RP2: variants seen among roughly 807,000 people sequenced by gnomAD.
The protein encoded by RP2 is RP2 activator of ARL3 GTPase, also known as protein XRP2.
A neutral mutation model predicts 20.3 loss-of-function variants in RP2; 3 were observed. That is an observed-to-expected ratio of 0.15 (90% CI 0.07 to 0.38). RP2 has a LOEUF of 0.38. RP2 is among the 10% of genes least tolerant of loss of function. The probability of loss-of-function intolerance (pLI) is 1.00; values close to 1 mark genes in which losing one functional copy is unlikely to be tolerated. For missense variants in RP2, 233 were observed against 268.5 expected, an observed-to-expected ratio of 0.87 and a Z score of 0.92; for synonymous variants, 75 against 94.8, an observed-to-expected ratio of 0.79 and a Z score of 1.22.
At position 46,879,313 on chromosome X, in the gene RP2, T is replaced by A. The variant is rs189684011; in HGVS notation, c.970-373T>A. 2.8e-3 allele frequency among the ~76,000 whole-genome samples: 306 copies of A among 107,653 alleles called. 2 individuals carry two copies. Among genetic ancestry groups the A allele is most frequent in the African/African-American group, 9.6e-3 (291 of 30,431 alleles). 93.5% of individuals were successfully genotyped at this position (107,653 alleles called of 115,157 possible). The stretch of plus-strand genomic sequence containing the variant: ...TGAAAGGGATAATCTCAAGTTTTGC[T>A]GCTCAGACTACTGAGATTATTATTA... On this transcript the variant is annotated intron_variant, in intron 4 of 4. Coordinates refer to ENST00000218340, the MANE Select transcript of RP2 (RefSeq NM_006915.3).
intron 3 of RP2, among the ~76,000 whole-genome samples, chrX:46,864,727 A>G (rs1925140018): frequency 9.0e-6 from 1 of 110,574 alleles, no homozygotes; most frequent in South Asian, 3.8e-4. Flanking sequence ...CAAATTTTCT[A>G]CTCCCACCCC....
At position 46,877,570 on chromosome X, in the gene RP2, G is replaced by A. The variant is rs782721235; in HGVS notation, c.949G>A (p.Glu317Lys). 4.4e-5 allele frequency: 52 copies of A among 1,190,479 alleles called. No individual in the cohort carries two copies. The Middle Eastern group carries it at 2.6e-3, about 58-fold the overall frequency. Residue 317 changes from glutamate (E) to lysine (K), a missense_variant, in exon 4 of 5, where the codon GAG (glutamate) becomes AAG (lysine). Physicochemically the swap from Glu to Lys is moderately conservative, Grantham distance 56. This residue lies in a region of RP2 where 118 missense variants were observed against 123.8 expected (regional missense o/e 0.95). Transcript: ENST00000218340. ...AGAAGTATGTCAACTTATTGTAAAC[G>A]AGATATTCAATGGGACCAAGGTACA... The part of the protein sequence containing the change: ...AVEVCQLIVN[E>K]IFNGTKMFVS...
At chrX:46,850,534 A>C (rs1387812864) in intron 1 of RP2, among the ~76,000 whole-genome samples, 3 of 111,912 alleles carry the variant, frequency 2.7e-5, no homozygotes, top group Non-Finnish European at 5.6e-5. Flanking sequence ...CTGTAGCTTC[A>C]TCTACTAGCA....
Position 46,860,047 on chromosome X carries a change from T to G in RP2, c.828T>G (p.Asp276Glu), listed in dbSNP as rs782156678. ...AGGAAGTGTCCATGAAAGCTGAGGA[T>G]GCTCAAAGGGTTTTTCGGGAAAAAG... ...QTKEVSMKAEDAQRVFREKAP... is the reference protein window; with the variant it reads ...QTKEVSMKAEEAQRVFREKAP... Residue 276 changes from aspartate (D) to glutamate (E), a missense_variant, in exon 3 of 5, where the codon GAT becomes GAG. Asp to Glu is a conservative substitution (Grantham distance 45). This residue lies in a region of RP2 where 118 missense variants were observed against 123.8 expected (regional missense o/e 0.95). Transcript: ENST00000218340. 6 of 1,209,661 alleles carry G rather than the reference T, an allele frequency of 5.0e-6. No individual in the cohort carries two copies. In the African/African-American group the frequency reaches 1.0e-4, roughly 21 times the overall value.
chrX:46,879,677 T>G lies in RP2; in HGVS notation c.970-9T>G. 3.4e-5 allele frequency: 40 copies of G among 1,162,136 alleles called. No homozygotes were observed. Among genetic ancestry groups the G allele is most frequent in the Non-Finnish European group, 4.7e-5 (40 of 852,824 alleles). ...CTGATTTTTTTTTTTAATTTTCTAT[T>G]TAAAATAGATGTTTGTATCTGAAAG... On this transcript the variant is annotated splice_polypyrimidine_tract_variant and intron_variant, in intron 4 of 4. Transcript: ENST00000218340.
chrX:46,847,776 G>GTGTGTGTGTATA (rs1556316807), intron 1 of RP2, among the ~76,000 whole-genome samples: 10 of 74,620 alleles, frequency 1.3e-4, no homozygotes, highest in African/African-American at 7.1e-4. Context: ...ATGTGTGTGT[G>GTGTGTGTGTATA]TACATACACA....
chrX:46,856,311 G>A (rs1037069658), intron 2 of RP2, among the ~76,000 whole-genome samples: 9 of 111,446 alleles, frequency 8.1e-5, no homozygotes, highest in Middle Eastern at 4.6e-3. Flanking sequence ...TTTGGTATCT[G>A]GTATGTGAAA....
intron 3 of RP2, among the ~76,000 whole-genome samples, chrX:46,874,727 T>G: frequency 8.9e-6 from 1 of 112,067 alleles, no homozygotes; most frequent in Non-Finnish European, 1.9e-5. Context: ...CCTCTAATAT[T>G]CAGTCTATAT....
intron 1 of RP2, among the ~76,000 whole-genome samples, chrX:46,846,816 T>C (rs1924722407): frequency 9.0e-6 from 1 of 110,602 alleles, no homozygotes; most frequent in African/African-American, 3.3e-5. Context: ...CTGGACTGCC[T>C]GGGCTCCAGC....
intron 3 of RP2, among the ~76,000 whole-genome samples, chrX:46,873,553 G>A (rs1925325994): frequency 1.8e-5 from 2 of 111,725 alleles, no homozygotes; most frequent in Non-Finnish European, 3.8e-5. Context: ...TGTCAACACT[G>A]TAGTTTTTTT....
At chrX:46,859,834 CTTA>C (rs781892762) in intron 2 of RP2, among the ~76,000 whole-genome samples, 151 bp from the exon 3 acceptor site, 1 of 112,420 alleles carries the variant, frequency 8.9e-6, no homozygotes, top group East Asian at 2.8e-4. Context: ...ATAGTGAGAA[CTTA>C]TTATAGCAAA....
At chrX:46,860,644 G>A (rs1436312795) in intron 3 of RP2, among the ~76,000 whole-genome samples, 1 of 111,964 alleles carries the variant, frequency 8.9e-6, no homozygotes, top group Non-Finnish European at 1.9e-5. Flanking sequence ...AGGAACTTGA[G>A]TATGTGTGCC....
Position 46,881,909 on chromosome X carries a change from A to G in RP2, c.*2140A>G, listed in dbSNP as rs1393420010. On this transcript the variant is annotated 3_prime_UTR_variant, in exon 5 of 5. Transcript: ENST00000218340. Reference sequence around the variant, plus strand: ...GATATTTGAGCAACAACTCAGGAATATAACATATAAGGGAGATGTTAATTT... The same window carrying G: ...GATATTTGAGCAACAACTCAGGAATGTAACATATAAGGGAGATGTTAATTT... The G allele has an allele frequency of 8.9e-6, 1 of 112,524 alleles. No individual in the cohort carries two copies. The highest frequency in any genetic ancestry group is 1.9e-5 in the Non-Finnish European group (1 of 53,322). The allele number at this position is 112,524 out of a possible 1,213,427, so 9.3% of individuals were successfully genotyped here. A position where few individuals can be genotyped will look rare whatever the true frequency, so the allele number is the denominator to read the frequency against.
rs150726730 is a variant in RP2 at position 46,843,744 on chromosome X, A to G, written c.102+6542A>G. ...ATATTTCACAAAATGGTAAGCTAAT[A>G]TAAATGTAGTACTTCAGTTTCTCGA... On this transcript the variant is annotated intron_variant, in intron 1 of 4. Coordinates refer to ENST00000218340, the MANE Select transcript of RP2 (RefSeq NM_006915.3). Among the ~76,000 whole-genome samples, 151 of 112,262 alleles carry G rather than the reference A, an allele frequency of 1.3e-3. 1 individual carries two copies. The highest frequency in any genetic ancestry group is 2.0e-3 in the Non-Finnish European group (108 of 53,224).
At chrX:46,868,506 C>T (rs1445100174) in intron 3 of RP2, among the ~76,000 whole-genome samples, 1 of 110,943 alleles carries the variant, frequency 9.0e-6, no homozygotes, top group African/African-American at 3.3e-5. Flanking sequence ...TGATGTAGGC[C>T]GGGCGCAGTG....
In RP2 at chrX:46,853,459, G is replaced by GTGTTT; in HGVS notation, c.103-12_103-8dup. The GTGTTT allele has an allele frequency of 8.3e-7, 1 of 1,202,669 alleles. No homozygotes were observed. The highest frequency in any genetic ancestry group is 1.1e-6 in the Non-Finnish European group (1 of 888,960). On this transcript the variant is annotated splice_polypyrimidine_tract_variant and intron_variant, in intron 1 of 4. Coordinates refer to ENST00000218340, the MANE Select transcript of RP2 (RefSeq NM_006915.3). The stretch of plus-strand genomic sequence containing the variant: ...ATAATGTTAATAATACTCAAGGTCT[G>GTGTTT]TGTTTTGTTCCTGCAGGTTGATCCA...
chrX:46,871,021 C>CTTTTTTTTTT (rs58549261), intron 3 of RP2, among the ~76,000 whole-genome samples: 1 of 77,377 alleles, frequency 1.3e-5, no homozygotes. Flanking sequence ...ACGCTCATTC[C>CTTTTTTTTTT]TTTTTTTTTT....
intron 3 of RP2, among the ~76,000 whole-genome samples, chrX:46,865,751 A>C (rs1556322213): frequency 9.0e-6 from 1 of 111,258 alleles, no homozygotes; most frequent in Admixed American, 9.5e-5. Context: ...AACATGGTGA[A>C]ACCCCATCTC....
At chrX:46,873,154 T>C (rs1925320489) in intron 3 of RP2, among the ~76,000 whole-genome samples, 1 of 111,615 alleles carries the variant, frequency 9.0e-6, no homozygotes, top group Non-Finnish European at 1.9e-5. Context: ...CTGTCACTGG[T>C]CGCTTTAATG....
Sources: gnomAD v4.1 joint callset for allele counts (sites outside exome capture counted in the v4.1 genomes callset) on GRCh38, gnomAD v4.1.1 for gene constraint, gnomAD v4.1.1 regional missense constraint, MANE v1.5 for transcripts, NCBI Gene and HGNC (gene_info 2026-07-23, HGNC 2026-07-21) for gene names.